STAP1: variants seen among roughly 807,000 people sequenced by gnomAD.
STAP1 encodes signal transducing adaptor family member 1, also known as signal-transducing adaptor protein 1.
In STAP1, 30 loss-of-function variants were observed where a neutral mutation model predicts 37.8. The ratio of observed to expected loss-of-function variants is 0.79; its 90% CI spans 0.59 to 1.08. The LOEUF is 1.08. Among genes scored for constraint, STAP1 ranks in the 50% least tolerant of loss-of-function variants. The pLI is 0.00. For synonymous variants in STAP1, 130 were observed against 116.0 expected, an observed-to-expected ratio of 1.12 and a Z score of -0.78; for missense variants, 357 against 349.4, an observed-to-expected ratio of 1.02 and a Z score of -0.17.
At chr4:67,604,562 T>C (rs1452106471) in intron 8 of STAP1, among the ~76,000 whole-genome samples, 1 of 152,246 alleles carries the variant, frequency 6.6e-6, no homozygotes, top group East Asian at 1.9e-4. Context: ...GCATAGCTGC[T>C]TTAAGGTCTT....
At chr4:67,579,810 G>A (rs1157000606) in intron 4 of STAP1, among the ~76,000 whole-genome samples, 2 of 152,142 alleles carry the variant, frequency 1.3e-5, no homozygotes, top group Non-Finnish European at 1.5e-5. Flanking sequence ...AATTTAACAT[G>A]AGCTTTGGTG....
Position 67,607,140 on chromosome 4 carries a change from T to C in STAP1, c.*783T>C, listed in dbSNP as rs890725869. 2 of 152,160 alleles carry C rather than the reference T, an allele frequency of 1.3e-5. No individual in the cohort carries two copies. Among genetic ancestry groups the C allele is most frequent in the African/African-American group, 2.4e-5 (1 of 41,420 alleles). 9.4% of individuals were successfully genotyped at this position (152,160 alleles called of 1,614,324 possible). On this transcript the variant is annotated 3_prime_UTR_variant, in exon 9 of 9. Transcript: ENST00000265404. Reference sequence around the variant, plus strand: ...CTAAATTGATTTTGATGGTTATCAATTTGGGAATCACACAATCAACTAAGA... The same window carrying C: ...CTAAATTGATTTTGATGGTTATCAACTTGGGAATCACACAATCAACTAAGA...
chr4:67,568,214 A>T (rs1727515745), intron 1 of STAP1, among the ~76,000 whole-genome samples: 2 of 152,218 alleles, frequency 1.3e-5, no homozygotes, highest in Non-Finnish European at 2.9e-5. Flanking sequence ...CATAAAGGAT[A>T]TGTTAATATT....
chr4:67,569,997 T>C (rs1169527010), intron 1 of STAP1, among the ~76,000 whole-genome samples: 1 of 152,098 alleles, frequency 6.6e-6, no homozygotes, highest in Non-Finnish European at 1.5e-5. Flanking sequence ...TCCCAAAGTG[T>C]TGGGATTACA....
intron 1 of STAP1, among the ~76,000 whole-genome samples, chr4:67,567,366 A>C (rs956692663): frequency 2.7e-5 from 3 of 111,368 alleles, no homozygotes; most frequent in African/African-American, 6.0e-5. Context: ...CCAGTTCTCA[A>C]CTGGGGGGAG....
At chr4:67,573,919 C>T (rs928097744) in intron 2 of STAP1, among the ~76,000 whole-genome samples, 7 of 151,296 alleles carry the variant, frequency 4.6e-5, no homozygotes, top group Admixed American at 1.3e-4. Context: ...TCATAAAAAC[C>T]CTACTATACT....
intron 5 of STAP1, among the ~76,000 whole-genome samples, chr4:67,582,428 C>A (rs1369966611): frequency 6.6e-6 from 1 of 151,828 alleles, no homozygotes; most frequent in Admixed American, 6.6e-5. Context: ...CATGCCTTGA[C>A]CTGCCGAGTA....
At chr4:67,563,600 G>A (rs760145241) in intron 1 of STAP1, among the ~76,000 whole-genome samples, 4 of 152,186 alleles carry the variant, frequency 2.6e-5, no homozygotes, top group Non-Finnish European at 5.9e-5. Flanking sequence ...GTACTCGGGA[G>A]GCTGAAGTGG....
At chr4:67,583,735 T>C in intron 6 of STAP1, 33 bp downstream of exon 6, 2 of 1,600,010 alleles carry the variant, frequency 1.2e-6, no homozygotes, top group Non-Finnish European at 1.7e-6. Context: ...TATGGAATTT[T>C]TAAAAGCGTG....
chr4:67,604,792 C>A (rs1728415112), intron 8 of STAP1, among the ~76,000 whole-genome samples: 1 of 150,812 alleles, frequency 6.6e-6, no homozygotes, highest in African/African-American at 2.4e-5. Context: ...TAAAAGCAGG[C>A]AACCATCTTG....
At chr4:67,605,562 AT>A (rs1313163957) in intron 8 of STAP1, among the ~76,000 whole-genome samples, 2 of 152,192 alleles carry the variant, frequency 1.3e-5, no homozygotes, top group Non-Finnish European at 2.9e-5. Flanking sequence ...AACAGATGGA[AT>A]TAGAGGGTCC....
chr4:67,594,211 A>T (rs1277856007), intron 8 of STAP1, among the ~76,000 whole-genome samples: 2 of 152,200 alleles, frequency 1.3e-5, no homozygotes, highest in Non-Finnish European at 2.9e-5. Context: ...TTATGGGGGA[A>T]AGCAACCTTA....
At chr4:67,571,399 T>A (rs1202715693) in intron 2 of STAP1, among the ~76,000 whole-genome samples, 1 of 152,244 alleles carries the variant, frequency 6.6e-6, no homozygotes, top group Non-Finnish European at 1.5e-5. Flanking sequence ...TTTCTGATTC[T>A]GATAACTAAA....
intron 2 of STAP1, 76 bp from the exon 3 acceptor site, chr4:67,575,305 ATTAC>A: frequency 1.2e-6 from 1 of 858,128 alleles, no homozygotes; most frequent in Non-Finnish European, 1.8e-6. Context: ...AAAGGAAGAT[ATTAC>A]TTATTTTGCT....
intron 8 of STAP1, among the ~76,000 whole-genome samples, chr4:67,597,370 G>T (rs139217105): frequency 6.6e-6 from 1 of 152,206 alleles, no homozygotes; most frequent in Non-Finnish European, 1.5e-5. Flanking sequence ...TCTGCTCTAG[G>T]GGTAGAGCCC....
intron 6 of STAP1, among the ~76,000 whole-genome samples, chr4:67,589,520 A>G (rs912686948): frequency 6.6e-6 from 1 of 152,216 alleles, no homozygotes; most frequent in African/African-American, 2.4e-5. Context: ...AAGAAGGTAG[A>G]AAGACCCTGT....
chr4:67,564,574 T>C (rs781629117), intron 1 of STAP1, among the ~76,000 whole-genome samples: 1 of 152,022 alleles, frequency 6.6e-6, no homozygotes. Context: ...ACTTCAGGGT[T>C]TTCTCTTGTA....
chr4:67,583,440 T>C (rs1398038334), intron 5 of STAP1, 134 bp from the exon 6 acceptor site: 1 of 881,434 alleles, frequency 1.1e-6, no homozygotes, highest in Non-Finnish European at 1.7e-6. Flanking sequence ...ATTACATAAT[T>C]GGAATAATCA....
In STAP1 at chr4:67,605,316, C is replaced by G. The variant is rs546275596; in HGVS notation, c.827-980C>G. On this transcript the variant is annotated intron_variant, in intron 8 of 8. Coordinates refer to ENST00000265404, the MANE Select transcript of STAP1 (RefSeq NM_012108.4). The stretch of plus-strand genomic sequence containing the variant: ...GGGGTTTTAGGTGCCCATGCTGTCA[C>G]TGCCAAAGTACTGCACCTTGACTAG... Among the ~76,000 whole-genome samples the G allele has an allele frequency of 1.7e-4, 26 of 150,754 alleles. 1 individual carries two copies. The South Asian group carries it at 5.2e-3, about 30-fold the overall frequency.
Sources: allele counts gnomAD v4.1 joint callset (sites outside exome capture counted in the v4.1 genomes callset), GRCh38; gene constraint gnomAD v4.1.1; transcripts MANE v1.5; gene names NCBI Gene and HGNC (gene_info 2026-07-23, HGNC 2026-07-21).